Variants in AXIN2 observed in about 807,000 individuals in gnomAD.
The protein encoded by AXIN2 is axin-2.
AXIN2 carries 21 observed loss-of-function variants against 74.7 expected under a neutral mutation model. That is an observed-to-expected ratio of 0.28 (90% confidence interval 0.20 to 0.40). The LOEUF (loss-of-function observed/expected upper bound fraction) is 0.40. Among genes scored for constraint, AXIN2 ranks in the 10% least tolerant of loss-of-function variants. The probability of loss-of-function intolerance (pLI) is 1.00; values close to 1 mark genes in which losing one functional copy is unlikely to be tolerated. For synonymous variants in AXIN2, 532 were observed against 454.9 expected (o/e 1.17, Z -2.16); for missense variants, 1,144 against 1,111.1 (o/e 1.03, Z -0.42).
At chr17:65,532,591 C>G (rs891727330) in intron 10 of AXIN2, among the ~76,000 whole-genome samples, 3 of 152,200 alleles carry the variant, frequency 2.0e-5, no homozygotes, top group African/African-American at 7.2e-5. Context: ...CAAAGAGAAT[C>G]ACTTTGAGCC....
chr17:65,537,197 C>T (rs895658663), intron 6 of AXIN2, 127 bp downstream of exon 6: 1 of 1,541,078 alleles, frequency 6.5e-7, no homozygotes, highest in South Asian at 1.1e-5. Flanking sequence ...CACCCTCACC[C>T]GGCCGTGCAC....
rs775428814 is a variant in AXIN2, at chr17:65,538,667, CAAAAAAAAAAAAAAAAAAAA to C, written c.1060-344_1060-325del. On this transcript the variant is annotated intron_variant, in intron 4 of 10. Transcript: ENST00000307078. ...ATCTTCAAAGACTGTTGTCAACCAT[CAAAAAAAAAAAAAAAAAAAA>C]AAAAAAAAAAAAAAAAAAGGCAGCC... Among the ~76,000 whole-genome samples, 74 of 35,830 alleles carry C rather than the reference CAAAAAAAAAAAAAAAAAAAA, an allele frequency of 2.1e-3. 2 individuals carry two copies. Among genetic ancestry groups the C allele is most frequent in the African/African-American group, 4.8e-3 (44 of 9,094 alleles). 23.5% of individuals were successfully genotyped at this position (35,830 alleles called of 152,430 possible). A position where few individuals can be genotyped will look rare whatever the true frequency, so the allele number is the denominator to read the frequency against.
At chr17:65,561,365 C>T (rs915794508) in intron 1 of AXIN2, 85 bp downstream of exon 1, 2 of 146,078 alleles carry the variant, frequency 1.4e-5, no homozygotes. Flanking sequence ...CCCGCGCCCA[C>T]GCCGCGGCTC....
intron 1 of AXIN2, chr17:65,560,144 G>C (rs977097610): frequency 6.6e-5 from 10 of 152,378 alleles, no homozygotes; most frequent in African/African-American, 2.4e-4. Context: ...CGTTTGCAGA[G>C]GCGCCCGCAG....
chr17:65,549,314 T>G (rs1194110780), intron 3 of AXIN2, among the ~76,000 whole-genome samples: 1 of 152,180 alleles, frequency 6.6e-6, no homozygotes, highest in Non-Finnish European at 1.5e-5. Context: ...CTTTCAAAGC[T>G]CTAAGCTTTA....
chr17:65,540,832 C>T (rs1053135833), intron 4 of AXIN2, among the ~76,000 whole-genome samples: 2 of 152,150 alleles, frequency 1.3e-5, no homozygotes, highest in African/African-American at 2.4e-5. Context: ...CAGATGTTGG[C>T]GCCATGGTTC....
At chr17:65,560,460 C>T (rs1295163786) in intron 1 of AXIN2, 3 of 151,652 alleles carry the variant, frequency 2.0e-5, no homozygotes, top group African/African-American at 4.8e-5. Context: ...CGCCGCTACC[C>T]TTTCATCCCA....
rs901732015 is a variant in AXIN2, at chr17:65,530,777, C to T, written c.2406-675G>A. Among the ~76,000 whole-genome samples, 3 of 152,340 alleles carry T rather than the reference C, an allele frequency of 2.0e-5. No individual in the cohort carries two copies. In the East Asian group the frequency reaches 5.8e-4, roughly 29 times the overall value. ...TGCCCTCCCCTCTTCTCCCCATTTC[C>T]AGGCCTCTTCTCCCATCCCATCCCT... On this transcript the variant is annotated intron_variant, in intron 10 of 10. Coordinates refer to ENST00000307078, the MANE Select transcript of AXIN2 (RefSeq NM_004655.4).
chr17:65,544,628 G>A (rs945016576), intron 3 of AXIN2, among the ~76,000 whole-genome samples: 2 of 151,936 alleles, frequency 1.3e-5, no homozygotes, highest in African/African-American at 4.8e-5. Flanking sequence ...TCTGTGATCA[G>A]TTTCCTGGCT....
chr17:65,534,004 A>G lies in AXIN2; in HGVS notation c.2313T>C (p.Cys771=), dbSNP rs761352050. Residue 771 remains cysteine (C), a synonymous_variant, in exon 10 of 11, where the codon TGT becomes TGC. Transcript: ENST00000307078. ...TCCTCCGGTATGGAATTTCTTCCCC[A>G]CAGAAAAAGTAAGTGACAACCAACT... ...ASELVVTYFF[C]GEEIPYRRML... is the part of the protein sequence containing the mutation. The G allele has an allele frequency of 6.2e-7, 1 of 1,614,228 alleles. No homozygotes were observed. Among genetic ancestry groups the G allele is most frequent in the Non-Finnish European group, 8.5e-7 (1 of 1,180,030 alleles).
chr17:65,544,285 G>A (rs751625826), intron 3 of AXIN2, among the ~76,000 whole-genome samples: 3 of 151,326 alleles, frequency 2.0e-5, no homozygotes, highest in Non-Finnish European at 4.4e-5. Flanking sequence ...AAAAAAACAG[G>A]ATGGGGGTAG....
intron 2 of AXIN2, among the ~76,000 whole-genome samples, chr17:65,557,322 A>G: frequency 6.6e-6 from 1 of 152,148 alleles, no homozygotes; most frequent in Middle Eastern, 3.2e-3. Flanking sequence ...CTTAACAGAA[A>G]AGTTCAAAAA....
chr17:65,557,900 A>C lies in AXIN2; in HGVS notation c.721T>G (p.Cys241Gly), dbSNP rs370549410. Residue 241 changes from cysteine to glycine, a missense_variant, in exon 2 of 11, where the codon TGC becomes GGC. This residue lies in a region of AXIN2 where 1,053 missense variants were observed against 973.5 expected (regional missense o/e 1.08). Coordinates refer to ENST00000307078, the MANE Select transcript of AXIN2 (RefSeq NM_004655.4). ...CCAACCACGGTTGGCGAAAGTTTGC[A>C]CTTGAAGTCGGCACAAGTCCACTCC... ...EEEWTCADFK[C>G]KLSPTVVGLS... 21 of 1,614,080 alleles carry C rather than the reference A, an allele frequency of 1.3e-5. No individual in the cohort carries two copies. Among genetic ancestry groups the C allele is most frequent in the East Asian group, 1.1e-4 (5 of 44,884 alleles).
chr17:65,556,628 C>T (rs1376816042), intron 2 of AXIN2, among the ~76,000 whole-genome samples: 2 of 152,108 alleles, frequency 1.3e-5, no homozygotes, highest in Non-Finnish European at 2.9e-5. Context: ...TCAACTCTCT[C>T]TGCCGCCCCT....
At chr17:65,540,745 C>T (rs2044028538) in intron 4 of AXIN2, among the ~76,000 whole-genome samples, 1 of 152,126 alleles carries the variant, frequency 6.6e-6, no homozygotes, top group African/African-American at 2.4e-5. Flanking sequence ...CTTGCTGTTT[C>T]TCCCGCTATG....
Position 65,536,312 on chromosome 17 carries a change from C to T in AXIN2, c.2141+8G>A, listed in dbSNP as rs1389337277. ...TGCCTCAACCTAGGACCCTTCACTT[C>T]CACTCACCGCTGCTTTGGGGGCTTC... On this transcript the variant is annotated splice_region_variant and intron_variant, in intron 8 of 10. Transcript: ENST00000307078. 2 of 1,603,984 alleles carry T rather than the reference C, an allele frequency of 1.2e-6. No homozygotes were observed. The highest frequency in any genetic ancestry group is 2.2e-5 in the East Asian group (1 of 44,656).
chr17:65,530,518 C>T (rs1452916892), intron 10 of AXIN2, among the ~76,000 whole-genome samples: 1 of 152,246 alleles, frequency 6.6e-6, no homozygotes. Context: ...CAAAGAGACT[C>T]CAGACTATCT....
Position 65,536,337 on chromosome 17 carries a change from C to G in AXIN2, c.2124G>C (p.Ser708=), listed in dbSNP as rs143243661. ...CCACTCACCGCTGCTTTGGGGGCTT[C>G]GACACCTCAGCTAGCCTGCGACAGG... is the stretch of plus-strand genomic sequence containing the variant. ...EEACRRLAEV[S]KPPKQRCCVA... Residue 708 remains serine, a synonymous_variant, in exon 8 of 11, where the codon TCG becomes TCC. Transcript: ENST00000307078. 1.2e-3 allele frequency: 1,872 copies of G among 1,611,898 alleles called. 4 individuals carry two copies. The highest frequency in any genetic ancestry group is 1.5e-3 in the Non-Finnish European group (1,716 of 1,179,488).
chr17:65,537,779 C>T lies in AXIN2; in HGVS notation c.1257G>A (p.Thr419=), dbSNP rs1415397819. Residue 419 remains threonine (T), a synonymous_variant, in exon 6 of 11, where the codon ACG becomes ACA. Transcript: ENST00000307078. ...LTLNSREGAP[T]QHPLSLLPSG... is the part of the protein sequence containing the mutation. ...AGGGCAGTAGGGAGAGGGGGTGCTG[C>T]GTGGGCGCCCCCTCCCGCGAATTGA... The T allele has an allele frequency of 1.3e-6, 2 of 1,587,650 alleles. No individual in the cohort carries two copies. Among genetic ancestry groups the T allele is most frequent in the South Asian group, 1.1e-5 (1 of 87,394 alleles).
Sources: gnomAD v4.1 joint callset for allele counts (sites outside exome capture counted in the v4.1 genomes callset) on GRCh38, gnomAD v4.1.1 for gene constraint, gnomAD v4.1.1 regional missense constraint, MANE v1.5 for transcripts, NCBI Gene and HGNC (gene_info 2026-07-23, HGNC 2026-07-21) for gene names.